NOA1: variants seen among roughly 807,000 people sequenced by gnomAD.
NOA1 encodes the protein nitric oxide-associated protein 1.
A neutral mutation model predicts 58.4 loss-of-function variants in NOA1; 35 were observed. The observed-to-expected ratio is 0.60, with a 90% confidence interval of 0.46 to 0.79. NOA1 has a LOEUF of 0.79. Ranked by LOEUF, NOA1 falls within the 30% of genes least tolerant of loss-of-function variation. The pLI, the probability that NOA1 is intolerant of heterozygous loss-of-function variation, is 0.00. For synonymous variants in NOA1, 397 were observed against 373.4 expected (o/e 1.06, Z -0.73); for missense variants, 895 against 894.6 (o/e 1.00, Z -0.01).
chr4:56,973,022 A>G lies in NOA1; in HGVS notation c.1515+126T>C, dbSNP rs2109619265. 6.2e-6 allele frequency: 5 copies of G among 803,796 alleles called. No individual in the cohort carries two copies. The East Asian group carries it at 1.3e-4, about 20-fold the overall frequency. 49.8% of individuals were successfully genotyped at this position (803,796 alleles called of 1,614,324 possible). A position where few individuals can be genotyped will look rare whatever the true frequency, so the allele number is the denominator to read the frequency against. On this transcript the variant is annotated intron_variant, in intron 3 of 6. Coordinates refer to ENST00000264230, the MANE Select transcript of NOA1 (RefSeq NM_032313.4). ...TTCCCATTTAGCTGGCTCTACATGC[A>G]TTACACTCTTTCTCTATTGCAATTC... is the stretch of plus-strand genomic sequence containing the variant.
chr4:56,963,400 T>C lies in NOA1; in HGVS notation c.*50A>G, dbSNP rs563583487. 7.4e-7 allele frequency: 1 copy of C among 1,346,620 alleles called. No individual in the cohort carries two copies. Among genetic ancestry groups the C allele is most frequent in the East Asian group, 2.3e-5 (1 of 43,458 alleles). The allele number at this position is 1,346,620 out of a possible 1,614,324, so 83.4% of individuals were successfully genotyped here. On this transcript the variant is annotated 3_prime_UTR_variant, in exon 7 of 7. Transcript: ENST00000264230. ...TTATATGTTTAATACAAATTCAATG[T>C]ATTTTGTTGTGTTCAATACAGTTAA...
At chr4:56,970,280 T>TG (rs931474042) in intron 3 of NOA1, among the ~76,000 whole-genome samples, 3 of 151,904 alleles carry the variant, frequency 2.0e-5, no homozygotes, top group African/African-American at 4.8e-5. Flanking sequence ...TAGACCAGAC[T>TG]GGGCAACATA....
rs780311137 is a variant in NOA1, at chr4:56,963,612, G to C, written c.1935C>G (p.Gly645=). Residue 645 remains glycine, a synonymous_variant, in exon 7 of 7, where the codon GGC becomes GGG. Coordinates refer to ENST00000264230, the MANE Select transcript of NOA1 (RefSeq NM_032313.4). ...TCAAAACTGTTCCTTCAGGTGTATA[G>C]CCTCGGAGATGCAGTCTGTCCTTAA... ...PNFKDRLHLR[G]YTPEGTVLTV... is the part of the protein sequence containing the mutation. 1.9e-6 allele frequency: 3 copies of C among 1,614,066 alleles called. No homozygotes were observed. Among genetic ancestry groups the C allele is most frequent in the Admixed American group, 1.7e-5 (1 of 60,008 alleles).
In NOA1 at chr4:56,963,419, C is replaced by T; in HGVS notation, c.*31G>A. ...TCAATGTATTTTGTTGTGTTCAATA[C>T]AGTTAATATCTGGAGTGAACAAGGT... On this transcript the variant is annotated 3_prime_UTR_variant, in exon 7 of 7. Coordinates refer to ENST00000264230, the MANE Select transcript of NOA1 (RefSeq NM_032313.4). 1 of 1,513,968 alleles carries T rather than the reference C, an allele frequency of 6.6e-7. No homozygotes were observed. The highest frequency in any genetic ancestry group is 1.1e-5 in the South Asian group (1 of 88,890). The allele number at this position is 1,513,968 out of a possible 1,614,324, so 93.8% of individuals were successfully genotyped here. A position where few individuals can be genotyped will look rare whatever the true frequency, so the allele number is the denominator to read the frequency against.
At position 56,976,853 on chromosome 4, in the gene NOA1, C is replaced by T. The variant is rs1283445479; in HGVS notation, c.733G>A (p.Val245Met). 2 of 1,613,156 alleles carry T rather than the reference C, an allele frequency of 1.2e-6. No individual in the cohort carries two copies. Among genetic ancestry groups the T allele is most frequent in the African/African-American group, 1.3e-5 (1 of 75,056 alleles). Residue 245 changes from valine (V) to methionine (M), a missense_variant, in exon 1 of 7, where the codon GTG becomes ATG. This residue lies in a region of NOA1 where 680 missense variants were observed against 656.5 expected (regional missense o/e 1.04). Transcript: ENST00000264230. The part of the protein sequence containing the change: ...PALVGPKQLI[V>M]LGNKVDLLPQ... ...AGGAGGTCCACTTTGTTTCCCAGCA[C>T]GATCAGCTGCTTGGGGCCCACCAGC...
intron 3 of NOA1, among the ~76,000 whole-genome samples, chr4:56,971,050 C>T (rs567430178): frequency 3.9e-5 from 6 of 152,198 alleles, no homozygotes; most frequent in Admixed American, 2.0e-4. Context: ...TAGTGGCTCC[C>T]ATCCACAATC....
In NOA1 at chr4:56,977,005, A is replaced by G; in HGVS notation, c.581T>C (p.Leu194Pro). 1 of 1,592,724 alleles carries G rather than the reference A, an allele frequency of 6.3e-7. No homozygotes were observed. ...CAGGTACTGCTCGCGGCTCACCTGC[A>G]GGCGTAGAGCGCGCCGGTGGTGCGA... Reference protein sequence around the residue: ...LLSHHRRALRLQVSREQYLEL... With the variant: ...LLSHHRRALRPQVSREQYLEL... Residue 194 changes from leucine to proline, a missense_variant, in exon 1 of 7, where the codon CTG (leucine) becomes CCG (proline). Physicochemically the swap from Leu to Pro is moderately conservative, Grantham distance 98 (BLOSUM62 -3). Around this residue, in one of 3 missense-constraint regions of NOA1, gnomAD observed 680 missense variants for 656.5 expected, o/e 1.04. Transcript: ENST00000264230.
At chr4:56,970,208 A>G (rs2109617091) in intron 3 of NOA1, among the ~76,000 whole-genome samples, 1 of 151,624 alleles carries the variant, frequency 6.6e-6, no homozygotes, top group Middle Eastern at 3.4e-3. Context: ...GAGGTGGAGG[A>G]TTGCTTGAGC....
At chr4:56,972,710 T>C (rs1402392735) in intron 3 of NOA1, among the ~76,000 whole-genome samples, 1 of 152,204 alleles carries the variant, frequency 6.6e-6, no homozygotes, top group Non-Finnish European at 1.5e-5. Flanking sequence ...GTGATATTTA[T>C]GTGTTTTTCC....
At chr4:56,966,018 C>CTT (rs57382498) in intron 5 of NOA1, among the ~76,000 whole-genome samples, 1,555 of 88,494 alleles carry the variant, frequency 0.018, 30 homozygotes, top group African/African-American at 0.025. Flanking sequence ...AGCAAATTTT[C>CTT]TTTTTTTTTT....
chr4:56,965,835 C>CTT lies in NOA1; in HGVS notation c.1764+783_1764+784dup, dbSNP rs10638725. On this transcript the variant is annotated intron_variant, in intron 5 of 6. Transcript: ENST00000264230. ...TAAGCAACCATATTTTAAATTTTCC[C>CTT]TTTTTTTTTTTTTTTTTTAGAGACA... Among the ~76,000 whole-genome samples, 258 of 115,068 alleles carry CTT rather than the reference C, an allele frequency of 2.2e-3. 9 individuals carry two copies. Among genetic ancestry groups the CTT allele is most frequent in the African/African-American group, 3.2e-3 (95 of 30,028 alleles). 75.5% of individuals were successfully genotyped at this position (115,068 alleles called of 152,430 possible).
chr4:56,974,086 T>TTAA, intron 1 of NOA1, 64 bp from the exon 2 acceptor site: 1 of 1,062,476 alleles, frequency 9.4e-7, no homozygotes, highest in Non-Finnish European at 1.3e-6. Flanking sequence ...ATGAACATTT[T>TTAA]TGAGGATCTA....
intron 3 of NOA1, among the ~76,000 whole-genome samples, chr4:56,972,920 C>A (rs116378387): frequency 8.4e-4 from 128 of 152,204 alleles, no homozygotes; most frequent in Non-Finnish European, 1.6e-3. Context: ...CTGTTTTCTG[C>A]CAATTAAGAC....
intron 6 of NOA1, among the ~76,000 whole-genome samples, chr4:56,963,867 C>T (rs186912843): frequency 5.9e-5 from 9 of 152,044 alleles, no homozygotes; most frequent in Non-Finnish European, 1.0e-4. Flanking sequence ...ACTGCCTCGG[C>T]GTCCCGAGAA....
At chr4:56,965,693 GGTGTGTGTGTGTGTGTGT>G (rs10548713) in intron 5 of NOA1, among the ~76,000 whole-genome samples, 11,702 of 149,148 alleles carry the variant, frequency 0.078, 522 homozygotes, top group African/African-American at 0.097. Context: ...TCCAAAGTAT[GGTGTGTGTGTGTGTGTGT>G]GTGTGTGTGT....
At chr4:56,975,270 A>G (rs1212648670) in intron 1 of NOA1, among the ~76,000 whole-genome samples, 1 of 150,002 alleles carries the variant, frequency 6.7e-6, no homozygotes, top group East Asian at 2.1e-4. Flanking sequence ...CAATCTGCCC[A>G]CCTTGGCCTC....
At chr4:56,964,371 A>T (rs780179685) in intron 6 of NOA1, 35 bp downstream of exon 6, 6 of 1,612,992 alleles carry the variant, frequency 3.7e-6, no homozygotes, top group Non-Finnish European at 1.7e-6. Context: ...CTGCCCTTTT[A>T]TTCACTTTTT....
rs1246381549 is a variant in NOA1 at position 56,968,453 on chromosome 4, T to C, written c.1578A>G (p.Pro526=). ...NIVLPTQSIV[P]RTFVLKPGMV... is the part of the protein sequence containing the mutation. ...TTCCTGGTTTAAGCACAAAAGTTCT[T>C]GGAACAATGGACTGTGTTGGCAAAA... The change falls in exon 4 of 7, where the codon CCA becomes CCG. Residue 526 remains proline, a synonymous_variant. Transcript: ENST00000264230. The C allele has an allele frequency of 1.2e-6, 2 of 1,612,838 alleles. No individual in the cohort carries two copies. Among genetic ancestry groups the C allele is most frequent in the Non-Finnish European group, 1.7e-6 (2 of 1,179,486 alleles).
chr4:56,974,764 G>A (rs985772407), intron 1 of NOA1, among the ~76,000 whole-genome samples: 1 of 151,590 alleles, frequency 6.6e-6, no homozygotes, highest in Non-Finnish European at 1.5e-5. Flanking sequence ...CCAGGCTGGA[G>A]TGCAGTGGTG....
Sources: allele counts gnomAD v4.1 joint callset (sites outside exome capture counted in the v4.1 genomes callset), GRCh38; gene constraint gnomAD v4.1.1; regional missense constraint gnomAD v4.1.1; transcripts MANE v1.5; gene names NCBI Gene and HGNC (gene_info 2026-07-23, HGNC 2026-07-21).